SMARCA2: variants seen among roughly 807,000 people sequenced by gnomAD.
SMARCA2 encodes SWI/SNF related BAF chromatin remodeling complex subunit ATPase 2, also known as SWI/SNF-related matrix-associated actin-dependent regulator of chromatin subfamily A member 2.
Under a neutral mutation model 199.8 loss-of-function variants are expected in SMARCA2, and 61 were observed. That is an observed-to-expected ratio of 0.31 (90% CI 0.25 to 0.38). SMARCA2 has a LOEUF of 0.38. Among genes scored for constraint, SMARCA2 ranks in the 10% least tolerant of loss-of-function variants. SMARCA2 has a pLI of 1.00. For synonymous variants in SMARCA2, 935 were observed against 732.0 expected (o/e 1.28, Z -4.48); for missense variants, 1,344 against 2,012.2 (o/e 0.67, Z 6.35).
intron 8 of SMARCA2, among the ~76,000 whole-genome samples, chr9:2,059,110 T>C (rs1022349829): frequency 6.6e-6 from 1 of 152,204 alleles, no homozygotes; most frequent in African/African-American, 2.4e-5. Flanking sequence ...AGTATTTGTT[T>C]TTATTGACCA....
Position 2,015,415 on chromosome 9 carries a change from C to T in SMARCA2, c.-37+11C>T, listed in dbSNP as rs1443821069. On this transcript the variant is annotated intron_variant, in intron 1 of 33. Coordinates refer to ENST00000349721, the MANE Select transcript of SMARCA2 (RefSeq NM_003070.5). ...CTCCTCGCGAGCAAGGTAAATATAA[C>T]TTACAACTCTTTTCTCCTCTTTCCC... 6.5e-6 allele frequency: 1 copy of T among 152,674 alleles called. No individual in the cohort carries two copies. Among genetic ancestry groups the T allele is most frequent in the East Asian group, 1.9e-4 (1 of 5,208 alleles). 9.5% of individuals were successfully genotyped at this position (152,674 alleles called of 1,614,324 possible).
At position 2,032,978 on chromosome 9, in the gene SMARCA2, G is replaced by A. The variant is rs1017709721; in HGVS notation, c.252G>A (p.Gly84=). Reference sequence around the variant, plus strand: ...CCATCGATGGTATACATGACAAGGGGATTGTAGAAGACATCCATTGTGGAT... The same window carrying A: ...CCATCGATGGTATACATGACAAGGGAATTGTAGAAGACATCCATTGTGGAT... The part of the protein sequence containing the change: ...HKPIDGIHDK[G]IVEDIHCGSM... The change falls in exon 3 of 34, where the codon GGG becomes GGA. Residue 84 remains glycine, a synonymous_variant. Transcript: ENST00000349721. 9 of 1,613,882 alleles carry A rather than the reference G, an allele frequency of 5.6e-6. No homozygotes were observed. In the South Asian group the frequency reaches 6.6e-5, roughly 12 times the overall value.
At chr9:2,184,611 C>G (rs1209505663) in intron 31 of SMARCA2, among the ~76,000 whole-genome samples, 2 of 152,028 alleles carry the variant, frequency 1.3e-5, no homozygotes, top group African/African-American at 2.4e-5. Flanking sequence ...CCTCAGCCTC[C>G]TAAAGTGCTA....
chr9:2,061,413 T>G (rs1586660920), intron 9 of SMARCA2, among the ~76,000 whole-genome samples: 1 of 152,342 alleles, frequency 6.6e-6, no homozygotes, highest in East Asian at 1.9e-4. Context: ...CAATAGTTAC[T>G]TGGACAGATG....
intron 29 of SMARCA2, among the ~76,000 whole-genome samples, chr9:2,172,083 C>G (rs924434604): frequency 6.6e-6 from 1 of 152,178 alleles, no homozygotes; most frequent in African/African-American, 2.4e-5. Context: ...TTGTCCCTTG[C>G]TGTCTGTCAC....
intron 23 of SMARCA2, among the ~76,000 whole-genome samples, chr9:2,106,361 C>T (rs1342521170): frequency 6.6e-6 from 1 of 152,170 alleles, no homozygotes; most frequent in African/African-American, 2.4e-5. Context: ...TGCAAACCAC[C>T]ATGCACTAGA....
chr9:2,048,089 T>C (rs1383788945), intron 5 of SMARCA2: 1 of 152,158 alleles, frequency 6.6e-6, no homozygotes, highest in Non-Finnish European at 1.5e-5. Context: ...CTGTCACAAC[T>C]CACCTCTACC....
intron 9 of SMARCA2, among the ~76,000 whole-genome samples, chr9:2,066,641 A>G (rs1176892821): frequency 6.6e-6 from 1 of 152,184 alleles, no homozygotes; most frequent in Non-Finnish European, 1.5e-5. Flanking sequence ...ACTCTTTTGC[A>G]TGTAGGAAGA....
intron 16 of SMARCA2, 47 bp from the exon 17 acceptor site, chr9:2,084,039 C>A: frequency 1.0e-6 from 1 of 1,001,008 alleles, no homozygotes; most frequent in Non-Finnish European, 1.6e-6. Flanking sequence ...AAATAATGCA[C>A]ATATATGTCC....
intron 9 of SMARCA2, among the ~76,000 whole-genome samples, chr9:2,061,798 A>G (rs1021455120): frequency 1.3e-5 from 2 of 152,230 alleles, no homozygotes; most frequent in African/African-American, 4.8e-5. Flanking sequence ...TGAATAAGTG[A>G]ACAAAATGCT....
At chr9:2,187,689 T>A (rs935028015) in intron 32 of SMARCA2, among the ~76,000 whole-genome samples, 2 of 152,012 alleles carry the variant, frequency 1.3e-5, no homozygotes, top group Admixed American at 1.3e-4. Flanking sequence ...AAAAAAATTT[T>A]AAATATAATT....
intron 28 of SMARCA2, among the ~76,000 whole-genome samples, chr9:2,168,769 T>C (rs568606695): frequency 6.6e-6 from 1 of 152,350 alleles, no homozygotes; most frequent in South Asian, 2.1e-4. Context: ...GTATTTTTTT[T>C]TCCCCAAGCC....
intron 27 of SMARCA2, among the ~76,000 whole-genome samples, chr9:2,127,332 A>C (rs10811491): frequency 0.19 from 28,588 of 152,116 alleles, 5,971 homozygotes; most frequent in African/African-American, 0.5. Context: ...CACTGGATTG[A>C]CAGATAAGGG....
chr9:2,110,357 C>G lies in SMARCA2; in HGVS notation c.3396C>G (p.Gly1132=). The part of the protein sequence containing the change: ...FLLSTRAGGL[G]LNLQAADTVV... ...TGAGCACAAGAGCTGGTGGCCTGGG[C>G]TTAAATCTTCAGGCAGCTGATACAG... The change falls in exon 24 of 34, where the codon GGC becomes GGG. Residue 1132 remains glycine, a synonymous_variant. Coordinates refer to ENST00000349721, the MANE Select transcript of SMARCA2 (RefSeq NM_003070.5). This position sits in a 1 kb window ranked among gnomAD's most constrained non-coding sequence, Gnocchi z 4.8. 1 of 1,613,806 alleles carries G rather than the reference C, an allele frequency of 6.2e-7. No homozygotes were observed.
At chr9:2,116,715 G>A (rs2376311) in intron 25 of SMARCA2, among the ~76,000 whole-genome samples, 13,405 of 152,178 alleles carry the variant, frequency 0.088, 983 homozygotes, top group East Asian at 0.37. Context: ...GATTGCCAAC[G>A]TTAGTAATTT....
intron 29 of SMARCA2, among the ~76,000 whole-genome samples, chr9:2,172,723 C>T (rs995980729): frequency 2.0e-5 from 3 of 152,036 alleles, no homozygotes; most frequent in Non-Finnish European, 2.9e-5. Flanking sequence ...TTCAAGGAGG[C>T]CAACGGAGAG....
rs1825674944 is a variant in SMARCA2 at position 2,161,545 on chromosome 9, T to C, written c.3982-141T>C. 1 of 619,066 alleles carries C rather than the reference T, an allele frequency of 1.6e-6. No individual in the cohort carries two copies. The highest frequency in any genetic ancestry group is 2.8e-6 in the Non-Finnish European group (1 of 353,034). The allele number at this position is 619,066 out of a possible 1,614,324, so 38.3% of individuals were successfully genotyped here. A position where few individuals can be genotyped will look rare whatever the true frequency, so the allele number is the denominator to read the frequency against. ...TCCTTTTTTCTTCTTCCTCCACTGA[T>C]TACTGTTAACTTTTACTTTTTTTTG... On this transcript the variant is annotated intron_variant, in intron 27 of 33. Transcript: ENST00000349721. This position sits in a 1 kb window ranked among gnomAD's most constrained non-coding sequence, Gnocchi z 4.7.
intron 14 of SMARCA2, among the ~76,000 whole-genome samples, chr9:2,081,143 G>A (rs1389879919): frequency 6.6e-6 from 1 of 152,126 alleles, no homozygotes; most frequent in Non-Finnish European, 1.5e-5. Flanking sequence ...TGTTGGTTGG[G>A]GGATGGAGGT....
intron 27 of SMARCA2, among the ~76,000 whole-genome samples, chr9:2,136,719 GCA>G (rs1477368278): frequency 1.3e-5 from 2 of 152,076 alleles, no homozygotes; most frequent in Non-Finnish European, 1.5e-5. Context: ...AGGTAATATT[GCA>G]CAGTTAGCCA....
Sources: allele counts gnomAD v4.1 joint callset (sites outside exome capture counted in the v4.1 genomes callset), GRCh38; gene constraint gnomAD v4.1.1; non-coding constraint Gnocchi (gnomAD v3.1); transcripts MANE v1.5; gene names NCBI Gene and HGNC (gene_info 2026-07-23, HGNC 2026-07-21).